Variants in ARMC6 observed in about 807,000 individuals in gnomAD.
ARMC6 encodes armadillo repeat-containing protein 6.
ARMC6 carries 43 observed loss-of-function variants against 49.2 expected under a neutral mutation model. The ratio of observed to expected loss-of-function variants is 0.87; its 90% CI spans 0.69 to 1.13. The LOEUF is 1.13. Ranked by LOEUF, ARMC6 falls within the 50% of genes most tolerant of loss-of-function variation. The pLI, the probability that ARMC6 is intolerant of heterozygous loss-of-function variation, is 0.00. For missense variants in ARMC6, 627 were observed against 682.0 expected, an observed-to-expected ratio of 0.92 and a Z score of 0.90; for synonymous variants, 262 against 289.6, an observed-to-expected ratio of 0.90 and a Z score of 0.97.
rs565072017 is a variant in ARMC6, at chr19:19,055,197, T to C, written c.1024-68T>C. ...GTCAAACAGCAAAACAGCCCCACAT[T>C]CTCCCTCAGAGCCCTCTCCCACAAC... On this transcript the variant is annotated intron_variant, in intron 6 of 8. Coordinates refer to ENST00000535612, the MANE Select transcript of ARMC6 (RefSeq NM_001199196.2). The surrounding 1 kb of genome is among the most constrained non-coding windows in gnomAD (Gnocchi z 5.7). 1 of 1,506,624 alleles carries C rather than the reference T, an allele frequency of 6.6e-7. No homozygotes were observed. The highest frequency in any genetic ancestry group is 1.4e-5 in the African/African-American group (1 of 71,224). The allele number at this position is 1,506,624 out of a possible 1,614,324, so 93.3% of individuals were successfully genotyped here.
At chr19:19,044,574 G>A (rs1419273931) in intron 4 of ARMC6, among the ~76,000 whole-genome samples, 2 of 152,362 alleles carry the variant, frequency 1.3e-5, no homozygotes, top group African/African-American at 2.4e-5. Flanking sequence ...TCCAGAGACC[G>A]AAAGAAGGAA....
At chr19:19,049,603 A>G (rs1319202953) in intron 4 of ARMC6, among the ~76,000 whole-genome samples, 1 of 152,212 alleles carries the variant, frequency 6.6e-6, no homozygotes, top group East Asian at 1.9e-4. Context: ...AATGTTGTGC[A>G]ACCATCATGA....
intron 1 of ARMC6, 24 bp from the exon 2 acceptor site, chr19:19,034,107 C>A: frequency 1.3e-6 from 1 of 769,224 alleles, no homozygotes; most frequent in South Asian, 1.6e-5. Context: ...GCTTTATTTT[C>A]ATTCATTTTA....
chr19:19,054,534 A>G (rs903151745), intron 6 of ARMC6, among the ~76,000 whole-genome samples: 2 of 152,180 alleles, frequency 1.3e-5, no homozygotes. Context: ...AAAGGATGGT[A>G]GGAAGCATAG....
chr19:19,051,605 T>C lies in ARMC6; in HGVS notation c.280-17T>C, dbSNP rs777846493. ...TCTTGCCTGAGCTGATGCTGAGGTT[T>C]CTCCCATGTCTCCCAGATGCTCAGT... On this transcript the variant is annotated splice_polypyrimidine_tract_variant and intron_variant, in intron 4 of 8. Transcript: ENST00000535612. The C allele has an allele frequency of 5.1e-6, 8 of 1,570,264 alleles. No homozygotes were observed. The highest frequency in any genetic ancestry group is 6.9e-6 in the Non-Finnish European group (8 of 1,157,280).
chr19:19,036,267 G>T (rs1020077890), intron 2 of ARMC6, among the ~76,000 whole-genome samples: 1 of 152,066 alleles, frequency 6.6e-6, no homozygotes, highest in African/African-American at 2.4e-5. Context: ...TCGCCATGTT[G>T]GTCAGGCTGG....
chr19:19,053,540 C>T (rs1321252445), intron 5 of ARMC6, among the ~76,000 whole-genome samples: 1 of 152,060 alleles, frequency 6.6e-6, no homozygotes, highest in African/African-American at 2.4e-5. Context: ...TGGATGGTAA[C>T]CATGTGGACA....
intron 5 of ARMC6, 63 bp downstream of exon 5, chr19:19,052,258 G>A (rs1312013699): frequency 1.4e-6 from 2 of 1,450,142 alleles, no homozygotes; most frequent in South Asian, 2.7e-5. Context: ...TGACCAGAGT[G>A]AGGGTCAGGG....
chr19:19,042,200 A>C (rs919469758), intron 2 of ARMC6, among the ~76,000 whole-genome samples: 1 of 152,170 alleles, frequency 6.6e-6, no homozygotes, highest in Non-Finnish European at 1.5e-5. Context: ...GCCCAGCCAG[A>C]ATCTTTTTTC....
At chr19:19,041,635 C>T (rs2059412429) in intron 2 of ARMC6, among the ~76,000 whole-genome samples, 1 of 152,182 alleles carries the variant, frequency 6.6e-6, no homozygotes, top group African/African-American at 2.4e-5. Context: ...AGGCATGCGC[C>T]ACTGCACCCA....
chr19:19,051,812 A>G lies in ARMC6; in HGVS notation c.470A>G (p.Gln157Arg). The change falls in exon 5 of 9, where the codon CAG becomes CGG. Residue 157 changes from glutamine to arginine, a missense_variant. By Grantham distance (43) the Gln-to-Arg change is conservative. Transcript: ENST00000535612. ...ATAGDQGLLL[Q>R]SLNALSVLTD... ...GCAGGTGACCAGGGCCTTCTGCTCC[A>G]GTCCCTCAATGCCCTGTCGGTGCTG... is the stretch of plus-strand genomic sequence containing the variant. 6.2e-7 allele frequency: 1 copy of G among 1,614,068 alleles called. No homozygotes were observed. The highest frequency in any genetic ancestry group is 8.5e-7 in the Non-Finnish European group (1 of 1,180,010).
intron 5 of ARMC6, 101 bp downstream of exon 5, chr19:19,052,296 T>C (rs2145874332): frequency 1.7e-6 from 2 of 1,145,438 alleles, no homozygotes; most frequent in Non-Finnish European, 2.4e-6. Flanking sequence ...CACGGCAGGC[T>C]CAAGGCTCCA....
chr19:19,040,780 T>C (rs1393372986), intron 2 of ARMC6: 1 of 446,970 alleles, frequency 2.2e-6, no homozygotes, highest in Non-Finnish European at 4.5e-6. Context: ...CCCTGATTGC[T>C]GGGATTACAG....
intron 4 of ARMC6, among the ~76,000 whole-genome samples, chr19:19,045,562 A>G (rs1165257495): frequency 7.4e-6 from 1 of 135,494 alleles, no homozygotes; most frequent in East Asian, 2.2e-4. Context: ...GTCTTGGCTC[A>G]CTGCAACCTC....
intron 4 of ARMC6, among the ~76,000 whole-genome samples, chr19:19,045,368 T>A (rs1306518452): frequency 6.6e-6 from 1 of 152,210 alleles, no homozygotes; most frequent in Non-Finnish European, 1.5e-5. Context: ...CATTGGGTGA[T>A]TCATCTTTTT....
chr19:19,051,945 T>C lies in ARMC6; in HGVS notation c.603T>C (p.Cys201=). 1 of 1,614,188 alleles carries C rather than the reference T, an allele frequency of 6.2e-7. No individual in the cohort carries two copies. The highest frequency in any genetic ancestry group is 2.2e-5 in the East Asian group (1 of 44,882). The change falls in exon 5 of 9, where the codon TGT becomes TGC. Residue 201 remains cysteine, a synonymous_variant. Coordinates refer to ENST00000535612, the MANE Select transcript of ARMC6 (RefSeq NM_001199196.2). The part of the protein sequence containing the change: ...EADLTCSGIR[C]VRHACLKHEQ... ...ACCTGACCTGCTCTGGGATCCGCTG[T>C]GTGCGTCACGCTTGCCTGAAACATG...
At chr19:19,043,919 A>G in intron 3 of ARMC6, 73 bp from the exon 4 acceptor site, 1 of 1,423,634 alleles carries the variant, frequency 7.0e-7, no homozygotes, top group Non-Finnish European at 9.9e-7. Context: ...GTGTGATTCC[A>G]GCAGGCCCAC....
chr19:19,042,922 C>G, intron 3 of ARMC6, 45 bp downstream of exon 3: 1 of 1,605,980 alleles, frequency 6.2e-7, no homozygotes, highest in Non-Finnish European at 8.5e-7. Context: ...CTCTTAGATG[C>G]AAGAGCAGTG....
intron 2 of ARMC6, among the ~76,000 whole-genome samples, chr19:19,035,776 G>A (rs2059360869): frequency 6.6e-6 from 1 of 151,904 alleles, no homozygotes; most frequent in Admixed American, 6.6e-5. Flanking sequence ...CAGTTAGAAA[G>A]CTTATTTTGC....
Sources: gnomAD v4.1 joint callset for allele counts (sites outside exome capture counted in the v4.1 genomes callset) on GRCh38, gnomAD v4.1.1 for gene constraint, Gnocchi (gnomAD v3.1) non-coding constraint, MANE v1.5 for transcripts, NCBI Gene and HGNC (gene_info 2026-07-23, HGNC 2026-07-21) for gene names.